Variants in HTR2C observed in about 807,000 individuals in gnomAD.
HTR2C encodes the protein 5-hydroxytryptamine receptor 2C.
In HTR2C, 5 loss-of-function variants were observed where a neutral mutation model predicts 21.0. The observed-to-expected ratio is 0.24, with a 90% confidence interval of 0.12 to 0.50. HTR2C has a LOEUF of 0.50. HTR2C is among the 20% of genes least tolerant of loss of function. HTR2C has a pLI of 0.98. For synonymous variants in HTR2C, 150 were observed against 145.3 expected (o/e 1.03, Z -0.23); for missense variants, 271 against 371.2 (o/e 0.73, Z 2.22).
At chrX:114,771,129 C>G (rs1408776313) in intron 4 of HTR2C, among the ~76,000 whole-genome samples, 1 of 111,301 alleles carries the variant, frequency 9.0e-6, no homozygotes, top group African/African-American at 3.3e-5. Context: ...GTATGTCTTA[C>G]AATTTCTTGT....
chrX:114,772,030 A>G (rs1387075358), intron 4 of HTR2C, among the ~76,000 whole-genome samples: 1 of 112,354 alleles, frequency 8.9e-6, no homozygotes, highest in African/African-American at 3.2e-5. Context: ...AGTAGCCCCA[A>G]GTGAAAACAA....
At chrX:114,881,952 G>A (rs782115269) in intron 5 of HTR2C, among the ~76,000 whole-genome samples, 2 of 110,280 alleles carry the variant, frequency 1.8e-5, no homozygotes, top group African/African-American at 3.3e-5. Context: ...GTCATCTTAA[G>A]TATTTCAAAT....
chrX:114,597,997 T>C (rs984228896), intron 1 of HTR2C, among the ~76,000 whole-genome samples: 6 of 111,796 alleles, frequency 5.4e-5, no homozygotes, highest in African/African-American at 1.9e-4. Flanking sequence ...GCAAGACATT[T>C]GACTGAGTAC....
At chrX:114,820,326 T>G (rs1373097025) in intron 4 of HTR2C, among the ~76,000 whole-genome samples, 2 of 108,391 alleles carry the variant, frequency 1.8e-5, no homozygotes, top group Non-Finnish European at 3.8e-5. Context: ...GGGGTAGGAG[T>G]TTTTTTTAGT....
chrX:114,875,502 G>A (rs1291737818), intron 5 of HTR2C, among the ~76,000 whole-genome samples: 1 of 110,806 alleles, frequency 9.0e-6, no homozygotes, highest in Non-Finnish European at 1.9e-5. Flanking sequence ...ATGTCCAGGA[G>A]TTTTCCCTAT....
intron 5 of HTR2C, among the ~76,000 whole-genome samples, chrX:114,849,516 G>C (rs1179000031): frequency 1.8e-5 from 2 of 112,252 alleles, no homozygotes; most frequent in Non-Finnish European, 3.8e-5. Context: ...TAAACCTGAA[G>C]ATATGACTGA....
chrX:114,733,133 C>T lies in HTR2C; in HGVS notation c.349+1526C>T, dbSNP rs782403573. 5.4e-5 allele frequency among the ~76,000 whole-genome samples: 6 copies of T among 111,210 alleles called. No homozygotes were observed. In the South Asian group the frequency reaches 1.5e-3, roughly 28 times the overall value. On this transcript the variant is annotated intron_variant, in intron 4 of 5. Transcript: ENST00000276198. ...TCTAAAACCACCACAGGTGGCCGGGCGCGGTTACTCACGCCTGTAATCCTA... is the reference window on the plus strand; with the variant it reads ...TCTAAAACCACCACAGGTGGCCGGGTGCGGTTACTCACGCCTGTAATCCTA...
intron 5 of HTR2C, among the ~76,000 whole-genome samples, chrX:114,861,721 C>A (rs1556472990): frequency 9.0e-6 from 1 of 110,882 alleles, no homozygotes; most frequent in Non-Finnish European, 1.9e-5. Flanking sequence ...ACTTGCATCC[C>A]TGATGATTAA....
At chrX:114,727,201 A>G (rs1370936102) in intron 3 of HTR2C, among the ~76,000 whole-genome samples, 1 of 112,296 alleles carries the variant, frequency 8.9e-6, no homozygotes, top group Middle Eastern at 4.2e-3. Context: ...TAAACAAGTA[A>G]TATGGTGATA....
intron 2 of HTR2C, among the ~76,000 whole-genome samples, chrX:114,627,824 A>AT (rs1481010549): frequency 1.8e-5 from 2 of 111,988 alleles, no homozygotes; most frequent in Non-Finnish European, 3.8e-5. Flanking sequence ...TTTCTGTTGA[A>AT]TAGTTATCTT....
chrX:114,907,340 A>G lies in HTR2C; in HGVS notation c.1302A>G (p.Ile434Met). ...IEKASDNEPG[I>M]EMQVENLELP... is the part of the protein sequence containing the mutation. ...AAGCCAGTGACAATGAGCCCGGTATAGAGATGCAAGTTGAGAATTTAGAGT... is the reference window on the plus strand; with the variant it reads ...AAGCCAGTGACAATGAGCCCGGTATGGAGATGCAAGTTGAGAATTTAGAGT... Residue 434 changes from isoleucine (I) to methionine (M), a missense_variant, in exon 6 of 6, where the codon ATA (isoleucine) becomes ATG (methionine). Around this residue, in one of 5 missense-constraint regions of HTR2C, gnomAD observed 192 missense variants for 247.2 expected, o/e 0.78. Coordinates refer to ENST00000276198, the MANE Select transcript of HTR2C (RefSeq NM_000868.4). 8.3e-7 allele frequency: 1 copy of G among 1,210,192 alleles called. No homozygotes were observed. The highest frequency in any genetic ancestry group is 1.1e-6 in the Non-Finnish European group (1 of 894,108).
chrX:114,621,601 G>A (rs1434235680), intron 2 of HTR2C, among the ~76,000 whole-genome samples: 1 of 111,967 alleles, frequency 8.9e-6, no homozygotes, highest in Non-Finnish European at 1.9e-5. Flanking sequence ...AGAGGCTGGA[G>A]GGGAGGTAGA....
chrX:114,589,940 C>T, intron 1 of HTR2C: 1 of 241,818 alleles, frequency 4.1e-6, no homozygotes, highest in Non-Finnish European at 7.6e-6. Context: ...TTCTAAGTGT[C>T]ATCTTTTGTT....
chrX:114,860,728 C>A (rs5988149), intron 5 of HTR2C, among the ~76,000 whole-genome samples: 11,341 of 109,621 alleles, frequency 0.1, 1,453 homozygotes, highest in African/African-American at 0.35. Flanking sequence ...ACAAATATTA[C>A]AATGTGCATA....
chrX:114,647,009 A>G (rs1406481651), intron 2 of HTR2C, among the ~76,000 whole-genome samples: 1 of 111,095 alleles, frequency 9.0e-6, no homozygotes, highest in Non-Finnish European at 1.9e-5. Flanking sequence ...TCTCACTTAT[A>G]TGTGGAACCT....
intron 2 of HTR2C, among the ~76,000 whole-genome samples, chrX:114,623,297 C>G (rs1054319453): frequency 1.1e-4 from 12 of 112,092 alleles, no homozygotes; most frequent in African/African-American, 3.9e-4. Context: ...CTAACACATA[C>G]CAGATGTTAA....
At chrX:114,874,358 A>AT (rs2071115876) in intron 5 of HTR2C, among the ~76,000 whole-genome samples, 1 of 111,848 alleles carries the variant, frequency 8.9e-6, no homozygotes, top group South Asian at 3.7e-4. Flanking sequence ...AGGAACCTTC[A>AT]AACTGTTGTC....
At chrX:114,701,165 T>G (rs1556416678) in intron 2 of HTR2C, among the ~76,000 whole-genome samples, 1 of 112,166 alleles carries the variant, frequency 8.9e-6, no homozygotes, top group African/African-American at 3.2e-5. Context: ...CAGTAACCTC[T>G]GCAGACTTAA....
chrX:114,624,176 G>A (rs1321646381), intron 2 of HTR2C, among the ~76,000 whole-genome samples: 5 of 110,300 alleles, frequency 4.5e-5, no homozygotes, highest in Non-Finnish European at 9.5e-5. Flanking sequence ...GATTATGGGC[G>A]TGACCTACCC....
Sources: allele counts gnomAD v4.1 joint callset (sites outside exome capture counted in the v4.1 genomes callset), GRCh38; gene constraint gnomAD v4.1.1; regional missense constraint gnomAD v4.1.1; transcripts MANE v1.5; gene names NCBI Gene and HGNC (gene_info 2026-07-23, HGNC 2026-07-21).